Variants in CAV3 observed in about 807,000 individuals in gnomAD.
CAV3 encodes the protein caveolin-3.
Under a neutral mutation model 13.4 loss-of-function variants are expected in CAV3, and 10 were observed. The ratio of observed to expected loss-of-function variants is 0.75; its 90% CI spans 0.46 to 1.27. CAV3 has a LOEUF of 1.27. CAV3 is among the 50% of genes most tolerant of loss of function. The pLI, the probability that CAV3 is intolerant of heterozygous loss-of-function variation, is 0.00. For synonymous variants in CAV3, 90 were observed against 79.0 expected (o/e 1.14, Z -0.74); for missense variants, 162 against 194.0 (o/e 0.83, Z 0.98).
chr3:8,743,822 A>T (rs1037880251), intron 1 of CAV3, among the ~76,000 whole-genome samples: 15 of 152,252 alleles, frequency 9.9e-5, no homozygotes, highest in Non-Finnish European at 1.9e-4. Context: ...TACTGGAAAG[A>T]AATGCACCAA....
At position 8,745,846 on chromosome 3, in the gene CAV3, G is replaced by T. The variant is rs758111937; in HGVS notation, c.435G>T (p.Val145=). 2 of 1,612,686 alleles carry T rather than the reference G, an allele frequency of 1.2e-6. No individual in the cohort carries two copies. Among genetic ancestry groups the T allele is most frequent in the African/African-American group, 2.7e-5 (2 of 74,934 alleles). ...GCCAGGTCTGCAGCAGCATCAAGGT[G>T]GTGCTGCGGAAGGAGGTCTAAAGCC... ...ALGQVCSSIK[V]VLRKEV is the part of the protein sequence containing the mutation. Residue 145 remains valine, a synonymous_variant, in exon 2 of 2, where the codon GTG becomes GTT. Transcript: ENST00000343849. The surrounding 1 kb of genome is among the most constrained non-coding windows in gnomAD (Gnocchi z 4.8).
At position 8,737,077 on chromosome 3, in the gene CAV3, C is replaced by T. The variant is rs551516775; in HGVS notation, c.114+3087C>T. 3.3e-5 allele frequency among the ~76,000 whole-genome samples: 5 copies of T among 151,830 alleles called. No homozygotes were observed. The South Asian group carries it at 6.3e-4, about 19-fold the overall frequency. Reference sequence around the variant, plus strand: ...CTCTCAACTGCCCGGGTTTTGCCATCGATGGAGGAAAAGAGAGATGGGAAG... The same window carrying T: ...CTCTCAACTGCCCGGGTTTTGCCATTGATGGAGGAAAAGAGAGATGGGAAG... On this transcript the variant is annotated intron_variant, in intron 1 of 1. Coordinates refer to ENST00000343849, the MANE Select transcript of CAV3 (RefSeq NM_033337.3).
chr3:8,734,649 T>C (rs1169832634), intron 1 of CAV3, among the ~76,000 whole-genome samples: 1 of 152,224 alleles, frequency 6.6e-6, no homozygotes, highest in African/African-American at 2.4e-5. Flanking sequence ...CCTCGCCTCC[T>C]GGTGACACTA....
chr3:8,737,155 G>A (rs237869), intron 1 of CAV3, among the ~76,000 whole-genome samples: 1 of 152,020 alleles, frequency 6.6e-6, no homozygotes, highest in Non-Finnish European at 1.5e-5. Context: ...CAGAGACTGA[G>A]AGGAAGGTGC....
chr3:8,734,904 A>G (rs1264309788), intron 1 of CAV3, among the ~76,000 whole-genome samples: 1 of 152,136 alleles, frequency 6.6e-6, no homozygotes, highest in Non-Finnish European at 1.5e-5. Context: ...TTTTTAGTAG[A>G]GACTGGGTTT....
chr3:8,734,251 G>A (rs1356436100), intron 1 of CAV3, among the ~76,000 whole-genome samples: 1 of 151,926 alleles, frequency 6.6e-6, no homozygotes, highest in Non-Finnish European at 1.5e-5. Context: ...GGAGGAGCGA[G>A]TCACAAAGAA....
chr3:8,740,845 T>C (rs1266983579), intron 1 of CAV3, among the ~76,000 whole-genome samples: 1 of 152,232 alleles, frequency 6.6e-6, no homozygotes, highest in Non-Finnish European at 1.5e-5. Flanking sequence ...AGCCAGCCTA[T>C]GCTGTGTTCT....
chr3:8,741,093 T>A (rs1474582214), intron 1 of CAV3, among the ~76,000 whole-genome samples: 1 of 152,216 alleles, frequency 6.6e-6, no homozygotes, highest in Non-Finnish European at 1.5e-5. Flanking sequence ...CAGAGCTTTG[T>A]CATTTTTACA....
chr3:8,737,618 C>T (rs1433836275), intron 1 of CAV3, among the ~76,000 whole-genome samples: 2 of 152,098 alleles, frequency 1.3e-5, no homozygotes, highest in African/African-American at 4.8e-5. Flanking sequence ...AGCTGAGGAA[C>T]TGGGGGGAGC....
intron 1 of CAV3, chr3:8,744,898 AC>A (rs1374003708): frequency 6.5e-6 from 1 of 153,298 alleles, no homozygotes; most frequent in Non-Finnish European, 1.5e-5. Flanking sequence ...GTGCCTAGGA[AC>A]AGCAGCAGCT....
intron 1 of CAV3, among the ~76,000 whole-genome samples, chr3:8,743,139 G>A (rs1338738157): frequency 6.6e-6 from 1 of 152,158 alleles, no homozygotes; most frequent in Non-Finnish European, 1.5e-5. Context: ...CCATGGTGAA[G>A]GGTCCGCCCC....
At chr3:8,736,980 G>C (rs895488036) in intron 1 of CAV3, among the ~76,000 whole-genome samples, 9 of 152,198 alleles carry the variant, frequency 5.9e-5, no homozygotes, top group Admixed American at 5.2e-4. Flanking sequence ...GTTACAGTCT[G>C]TTAAAGAATA....
chr3:8,742,649 C>T (rs1393801798), intron 1 of CAV3: 1 of 412,868 alleles, frequency 2.4e-6, no homozygotes, highest in African/African-American at 2.0e-5. Context: ...ATCACAATAG[C>T]CAGGCATTGT....
chr3:8,740,086 C>T (rs568640730), intron 1 of CAV3, among the ~76,000 whole-genome samples: 3 of 152,296 alleles, frequency 2.0e-5, no homozygotes, highest in Admixed American at 2.0e-4. Context: ...CCATTAGTCT[C>T]TCGAGCAGCA....
In CAV3 at chr3:8,745,810, C is replaced by G. The variant is rs769859957; in HGVS notation, c.399C>G (p.Phe133Leu). 13 of 1,613,764 alleles carry G rather than the reference C, an allele frequency of 8.1e-6. No individual in the cohort carries two copies. Among genetic ancestry groups the G allele is most frequent in the African/African-American group, 2.7e-5 (2 of 74,942 alleles). ...TCCGCACCTTCTGCAACCCACTCTT[C>G]GCGGCCCTGGGCCAGGTCTGCAGCA... ...LCIRTFCNPLFAALGQVCSSI... is the reference protein window; with the variant it reads ...LCIRTFCNPLLAALGQVCSSI... The change falls in exon 2 of 2, where the codon TTC (phenylalanine) becomes TTG (leucine). Residue 133 changes from phenylalanine (F) to leucine (L), a missense_variant. Phe to Leu is a conservative substitution (Grantham distance 22). Coordinates refer to ENST00000343849, the MANE Select transcript of CAV3 (RefSeq NM_033337.3). This position sits in a 1 kb window ranked among gnomAD's most constrained non-coding sequence, Gnocchi z 4.8.
At chr3:8,741,637 G>A (rs951676653) in intron 1 of CAV3, among the ~76,000 whole-genome samples, 3 of 152,088 alleles carry the variant, frequency 2.0e-5, no homozygotes, top group African/African-American at 4.8e-5. Flanking sequence ...TGGATACTGG[G>A]ACCATATACC....
intron 1 of CAV3, 72 bp downstream of exon 1, chr3:8,734,062 G>C: frequency 1.2e-6 from 1 of 821,730 alleles, no homozygotes; most frequent in Non-Finnish European, 2.1e-6. Flanking sequence ...TGGCAGGGGA[G>C]GGTATCTGCT....
At chr3:8,735,415 T>C (rs1438143769) in intron 1 of CAV3, among the ~76,000 whole-genome samples, 1 of 152,246 alleles carries the variant, frequency 6.6e-6, no homozygotes, top group African/African-American at 2.4e-5. Context: ...TCCGAAATGC[T>C]TGTTCTGCAT....
intron 1 of CAV3, among the ~76,000 whole-genome samples, chr3:8,744,374 G>A (rs1214375868): frequency 6.6e-6 from 1 of 150,584 alleles, no homozygotes; most frequent in African/African-American, 2.5e-5. Flanking sequence ...CGCCTCCCGG[G>A]TTTATGCCGT....
Sources: allele counts gnomAD v4.1 joint callset (sites outside exome capture counted in the v4.1 genomes callset), GRCh38; gene constraint gnomAD v4.1.1; non-coding constraint Gnocchi (gnomAD v3.1); transcripts MANE v1.5; gene names NCBI Gene and HGNC (gene_info 2026-07-23, HGNC 2026-07-21).